The following CNOT1 variants were observed in gnomAD, a reference collection of about 807,000 sequenced individuals.
CNOT1 encodes the protein CCR4-NOT transcription complex subunit 1.
Under a neutral mutation model 273.8 loss-of-function variants are expected in CNOT1, and 15 were observed. The observed-to-expected ratio is 0.05, with a 90% CI of 0.04 to 0.08. The LOEUF is 0.08. Ranked by LOEUF, CNOT1 falls within the 10% of genes least tolerant of loss-of-function variation. The pLI is 1.00. For missense variants in CNOT1, 1,644 were observed against 2,912.2 expected (o/e 0.56, Z 10.02); for synonymous variants, 1,022 against 1,005.5 (o/e 1.02, Z -0.31).
chr16:58,620,586 T>C (rs566030722), intron 1 of CNOT1, among the ~76,000 whole-genome samples: 1 of 148,204 alleles, frequency 6.7e-6, no homozygotes, highest in East Asian at 2.0e-4. Context: ...GGTGGTTGTA[T>C]TGCAGTGAGC....
chr16:58,538,864 CAGA>C lies in CNOT1; in HGVS notation c.5040_5042del (p.Leu1682del), dbSNP rs775872108. 1.2e-5 allele frequency: 20 copies of C among 1,610,436 alleles called. No homozygotes were observed. The highest frequency in any genetic ancestry group is 3.3e-5 in the South Asian group (3 of 90,816). ...AGAGGTGGCATTCCCTGTAGCGCAG[CAGA>C]AGGTCAGCATCAGCACCACTTGTGG... On this transcript the variant is annotated inframe_deletion, in exon 36 of 49. Transcript: ENST00000317147.
chr16:58,543,209 A>G, intron 31 of CNOT1: 2 of 1,510,842 alleles, frequency 1.3e-6, no homozygotes, highest in Non-Finnish European at 1.8e-6. Context: ...AAAACTAGTA[A>G]GTGAATTATT....
chr16:58,599,053 A>AAAT (rs1250784465), intron 2 of CNOT1, 183 bp downstream of exon 2: 1 of 457,338 alleles, frequency 2.2e-6, no homozygotes, highest in Non-Finnish European at 3.2e-6. Flanking sequence ...TCTGTCTCAA[A>AAAT]AAAAAAAAAA....
In CNOT1 at chr16:58,539,875, T is replaced by G. The variant is rs1449920578; in HGVS notation, c.4885A>C (p.Thr1629Pro). Reference sequence around the variant, plus strand: ...TGAGCTTGAGGGTTCATGGCCAAAGTTGGTGGGATGGCATGTAGATGTTGC... The same window carrying G: ...TGAGCTTGAGGGTTCATGGCCAAAGGTGGTGGGATGGCATGTAGATGTTGC... ...LEQHLHAIPP[T>P]LAMNPQAQAL... is the part of the protein sequence containing the mutation. Residue 1629 changes from threonine to proline, a missense_variant, in exon 35 of 49, where the codon ACT (threonine) becomes CCT (proline). By Grantham distance (38) the Thr-to-Pro change is conservative. This residue lies in a region of CNOT1 where 170 missense variants were observed against 273.1 expected (regional missense o/e 0.62). Coordinates refer to ENST00000317147, the MANE Select transcript of CNOT1 (RefSeq NM_016284.5). The G allele has an allele frequency of 6.2e-7, 1 of 1,614,036 alleles. No individual in the cohort carries two copies. The highest frequency in any genetic ancestry group is 8.5e-7 in the Non-Finnish European group (1 of 1,179,996).
chr16:58,545,766 T>C (rs2040240319), intron 29 of CNOT1, among the ~76,000 whole-genome samples: 1 of 152,208 alleles, frequency 6.6e-6, no homozygotes, highest in African/African-American at 2.4e-5. Context: ...GCCCAAGTCC[T>C]ATAAACTTAG....
In CNOT1 at chr16:58,542,582, T is replaced by C. The variant is rs778071757; in HGVS notation, c.4435-14A>G. 8.4e-6 allele frequency: 1 copy of C among 119,430 alleles called. No individual in the cohort carries two copies. The allele number at this position is 119,430 out of a possible 1,614,324, so 7.4% of individuals were successfully genotyped here. On this transcript the variant is annotated splice_polypyrimidine_tract_variant and intron_variant, in intron 31 of 48. Coordinates refer to ENST00000317147, the MANE Select transcript of CNOT1 (RefSeq NM_016284.5). ...TGGGGAAGCAGTCTATTAATGGAGG[T>C]GGGTGGGGGGGTGGGGGGAATAGAA...
chr16:58,530,043 CTG>C (rs2039729998), intron 43 of CNOT1, among the ~76,000 whole-genome samples: 1 of 152,108 alleles, frequency 6.6e-6, no homozygotes, highest in South Asian at 2.1e-4. Flanking sequence ...CTTTGTAAAA[CTG>C]TAGTATCTTC....
intron 2 of CNOT1, among the ~76,000 whole-genome samples, chr16:58,591,388 A>C (rs1254665380): frequency 6.6e-6 from 1 of 152,176 alleles, no homozygotes; most frequent in Non-Finnish European, 1.5e-5. Context: ...TGTAACTCTT[A>C]ATTTTTTTCC....
intron 46 of CNOT1, among the ~76,000 whole-genome samples, chr16:58,524,483 G>A (rs914683741): frequency 1.5e-4 from 23 of 151,804 alleles, no homozygotes; most frequent in African/African-American, 5.1e-4. Flanking sequence ...TGGACGTGAT[G>A]GTATTCAATT....
rs779844455 is a variant in CNOT1, at chr16:58,571,004, T to A, written c.1979+3605A>T. Among the ~76,000 whole-genome samples the A allele has an allele frequency of 2.6e-5, 4 of 152,152 alleles. No homozygotes were observed. In the East Asian group the frequency reaches 7.7e-4, roughly 29 times the overall value. On this transcript the variant is annotated intron_variant, in intron 16 of 48. Transcript: ENST00000317147. Reference sequence around the variant, plus strand: ...TACATTAAATGCAAGACAGGCAGAATGTAGTAAACACAAACACAAATTCAC... The same window carrying A: ...TACATTAAATGCAAGACAGGCAGAAAGTAGTAAACACAAACACAAATTCAC...
intron 2 of CNOT1, among the ~76,000 whole-genome samples, chr16:58,596,804 C>T (rs935588916): frequency 2.2e-5 from 3 of 135,830 alleles, no homozygotes; most frequent in Non-Finnish European, 3.0e-5. Flanking sequence ...AGGAGAATGG[C>T]GTGAACCTAG....
intron 2 of CNOT1, among the ~76,000 whole-genome samples, chr16:58,593,639 C>G (rs968744643): frequency 2.6e-5 from 4 of 151,280 alleles, no homozygotes; most frequent in African/African-American, 7.3e-5. Context: ...GAGGCTGAGG[C>G]AGAAGAACTG....
chr16:58,525,080 C>T (rs781248787), intron 46 of CNOT1, 99 bp downstream of exon 46: 9 of 1,094,854 alleles, frequency 8.2e-6, no homozygotes, highest in Non-Finnish European at 1.2e-5. Flanking sequence ...CAGAACATTC[C>T]TTCACTATTG....
At position 58,587,525 on chromosome 16, in the gene CNOT1, A is replaced by G. The variant is rs369447911; in HGVS notation, c.310-112T>C. 1.9e-3 allele frequency: 2,770 copies of G among 1,425,816 alleles called. 74 individuals carry two copies. In the South Asian group the frequency reaches 0.035, roughly 18 times the overall value. The allele number at this position is 1,425,816 out of a possible 1,614,324, so 88.3% of individuals were successfully genotyped here. On this transcript the variant is annotated intron_variant, in intron 4 of 48. Transcript: ENST00000317147. ...CTACATAGGAGTTGCTTAATTCTGTAGTGTTACTAGAAACATTACACTATG... is the reference window on the plus strand; with the variant it reads ...CTACATAGGAGTTGCTTAATTCTGTGGTGTTACTAGAAACATTACACTATG...
chr16:58,596,586 A>G (rs1030242853), intron 2 of CNOT1, among the ~76,000 whole-genome samples: 1 of 152,054 alleles, frequency 6.6e-6, no homozygotes, highest in Non-Finnish European at 1.5e-5. Flanking sequence ...AAAGGTATAC[A>G]TACTAAAAAG....
chr16:58,610,155 T>C (rs4784052), intron 1 of CNOT1, among the ~76,000 whole-genome samples: 114,559 of 152,234 alleles, frequency 0.75, 43,522 homozygotes, highest in Middle Eastern at 0.86. Flanking sequence ...AGGCGGCTCA[T>C]GCCTATAATC....
chr16:58,576,973 T>C (rs983202013), intron 13 of CNOT1, among the ~76,000 whole-genome samples: 10 of 152,256 alleles, frequency 6.6e-5, no homozygotes, highest in Admixed American at 2.6e-4. Context: ...AAGGTAACTA[T>C]TTCTGATGTT....
At chr16:58,553,145 GC>G (rs1251006547) in intron 22 of CNOT1, among the ~76,000 whole-genome samples, 1 of 151,994 alleles carries the variant, frequency 6.6e-6, no homozygotes, top group Admixed American at 6.5e-5. Context: ...GATGGCAGGT[GC>G]CTGTAATCGC....
intron 1 of CNOT1, among the ~76,000 whole-genome samples, chr16:58,622,333 TGGGGGGGGG>T (rs71155283): frequency 1.6e-4 from 1 of 6,156 alleles, no homozygotes; most frequent in Non-Finnish European, 5.2e-4. Context: ...ACCACTCTAG[TGGGGGGGGG>T]GGGGGGGGCG....
Sources: allele counts gnomAD v4.1 joint callset (sites outside exome capture counted in the v4.1 genomes callset), GRCh38; gene constraint gnomAD v4.1.1; regional missense constraint gnomAD v4.1.1; transcripts MANE v1.5; gene names NCBI Gene and HGNC (gene_info 2026-07-23, HGNC 2026-07-21).